VAV3: variants seen among roughly 807,000 people sequenced by gnomAD.
The protein encoded by VAV3 is vav guanine nucleotide exchange factor 3, also known as guanine nucleotide exchange factor VAV3.
In VAV3, 94 loss-of-function variants were observed where a neutral mutation model predicts 131.2. The ratio of observed to expected loss-of-function variants is 0.72; its 90% CI spans 0.61 to 0.85. The LOEUF (loss-of-function observed/expected upper bound fraction) is 0.85. Ranked by LOEUF, VAV3 falls within the 40% of genes least tolerant of loss-of-function variation. The pLI, the probability that VAV3 is intolerant of heterozygous loss-of-function variation, is 0.00. For synonymous variants in VAV3, 349 were observed against 342.0 expected (o/e 1.02, Z -0.22); for missense variants, 939 against 1,002.7 (o/e 0.94, Z 0.86).
intron 2 of VAV3, 51 bp from the exon 3 acceptor site, chr1:107,779,543 A>T (rs771263288): frequency 6.9e-7 from 1 of 1,455,052 alleles, no homozygotes. Flanking sequence ...AAAATATAAG[A>T]TTTCTTTTTC....
At chr1:107,916,184 C>CA (rs958178871) in intron 1 of VAV3, among the ~76,000 whole-genome samples, 3 of 151,204 alleles carry the variant, frequency 2.0e-5, no homozygotes, top group African/African-American at 2.4e-5. Context: ...GTGTTGCACA[C>CA]AAAAAAATAT....
chr1:107,768,231 A>G (rs1236353792), intron 7 of VAV3, among the ~76,000 whole-genome samples: 1 of 152,220 alleles, frequency 6.6e-6, no homozygotes, highest in African/African-American at 2.4e-5. Context: ...TGTTCTTCGT[A>G]CATGTTGACT....
At chr1:107,594,592 T>C (rs1651225367) in intron 25 of VAV3, among the ~76,000 whole-genome samples, 1 of 152,112 alleles carries the variant, frequency 6.6e-6, no homozygotes, top group Non-Finnish European at 1.5e-5. Context: ...GCTATGCTTT[T>C]TTTTAAGAAA....
At chr1:107,853,824 C>T (rs759759860) in intron 2 of VAV3, among the ~76,000 whole-genome samples, 15 of 152,196 alleles carry the variant, frequency 9.9e-5, no homozygotes, top group Non-Finnish European at 2.1e-4. Flanking sequence ...AGTATTTTAA[C>T]TCCTTTATAA....
rs115135139 is a variant in VAV3, at chr1:107,607,963, G to A, written c.2015+1968C>T. ...TCTAAAATTGAAGGTTCTATTTTCT[G>A]GGGGAGTTGATCATTTTGTTCCCTA... On this transcript the variant is annotated intron_variant, in intron 22 of 26. Coordinates refer to ENST00000370056, the MANE Select transcript of VAV3 (RefSeq NM_006113.5). 4.7e-3 allele frequency among the ~76,000 whole-genome samples: 708 copies of A among 152,160 alleles called. 2 individuals carry two copies. The highest frequency in any genetic ancestry group is 7.8e-3 in the Non-Finnish European group (530 of 67,980).
intron 2 of VAV3, among the ~76,000 whole-genome samples, chr1:107,832,065 A>T (rs1004101427): frequency 3.9e-5 from 6 of 152,248 alleles, no homozygotes; most frequent in Non-Finnish European, 7.3e-5. Context: ...AAATGCAATC[A>T]TCCAGGTGTG....
At chr1:107,670,793 C>A (rs1157025095) in intron 19 of VAV3, among the ~76,000 whole-genome samples, 1 of 152,104 alleles carries the variant, frequency 6.6e-6, no homozygotes, top group East Asian at 1.9e-4. Flanking sequence ...GAGTAAAGTG[C>A]CGACTCGAGT....
At chr1:107,638,266 C>T (rs1054041878) in intron 20 of VAV3, among the ~76,000 whole-genome samples, 3 of 152,110 alleles carry the variant, frequency 2.0e-5, no homozygotes, top group Non-Finnish European at 4.4e-5. Flanking sequence ...AAGAATAAAA[C>T]ATGGTGTCTA....
At chr1:107,619,051 C>A (rs1653381270) in intron 20 of VAV3, among the ~76,000 whole-genome samples, 1 of 152,030 alleles carries the variant, frequency 6.6e-6, no homozygotes, top group Non-Finnish European at 1.5e-5. Flanking sequence ...ATGCTGAAGA[C>A]ACTATTTAAC....
chr1:107,619,454 A>G (rs968440030), intron 20 of VAV3, among the ~76,000 whole-genome samples: 3 of 152,202 alleles, frequency 2.0e-5, no homozygotes, highest in African/African-American at 4.8e-5. Flanking sequence ...ATACAAGTAA[A>G]TAAGTATGGT....
intron 2 of VAV3, among the ~76,000 whole-genome samples, chr1:107,790,920 T>C (rs532777308): frequency 6.6e-6 from 1 of 152,182 alleles, no homozygotes; most frequent in South Asian, 2.1e-4. Context: ...ACTCCTGACC[T>C]CATGATCTGC....
chr1:107,891,984 A>G (rs1022799434), intron 1 of VAV3, among the ~76,000 whole-genome samples: 2 of 152,066 alleles, frequency 1.3e-5, no homozygotes, highest in African/African-American at 4.8e-5. Flanking sequence ...TATCTTCCTT[A>G]CAGGATAGTA....
chr1:107,880,968 T>G (rs540221616), intron 1 of VAV3, among the ~76,000 whole-genome samples: 1 of 152,314 alleles, frequency 6.6e-6, no homozygotes, highest in South Asian at 2.1e-4. Flanking sequence ...AGTTTTAATT[T>G]TTTTTTAAAC....
chr1:107,717,333 G>C (rs1326047812), intron 15 of VAV3, among the ~76,000 whole-genome samples: 1 of 152,114 alleles, frequency 6.6e-6, no homozygotes, highest in Non-Finnish European at 1.5e-5. Flanking sequence ...TGATGTTAGG[G>C]TGTCAATTTT....
intron 1 of VAV3, among the ~76,000 whole-genome samples, chr1:107,896,260 T>C (rs1292844358): frequency 1.3e-5 from 2 of 152,194 alleles, no homozygotes; most frequent in Admixed American, 1.3e-4. Context: ...GCTCTCCACT[T>C]AGAGACACAG....
At chr1:107,793,715 G>A (rs980676241) in intron 2 of VAV3, among the ~76,000 whole-genome samples, 5 of 152,114 alleles carry the variant, frequency 3.3e-5, no homozygotes, top group Non-Finnish European at 7.4e-5. Context: ...TTTATATTAT[G>A]ATAAGCCAAT....
At chr1:107,855,772 A>G (rs13373947) in intron 2 of VAV3, among the ~76,000 whole-genome samples, 11,554 of 152,252 alleles carry the variant, frequency 0.076, 883 homozygotes, top group African/African-American at 0.2. Context: ...ATAACAAAGC[A>G]GCCAGGGGGA....
chr1:107,725,860 G>A (rs575686332), intron 15 of VAV3, among the ~76,000 whole-genome samples: 3 of 152,066 alleles, frequency 2.0e-5, no homozygotes, highest in African/African-American at 7.2e-5. Context: ...GGTCTCCTGG[G>A]CACCTATAAT....
rs959794137 is a variant in VAV3 at position 107,755,357 on chromosome 1, TCAA to T, written c.1173+67_1173+69del. 7.4e-5 allele frequency: 88 copies of T among 1,193,312 alleles called. No homozygotes were observed. The East Asian group carries it at 1.3e-3, about 17-fold the overall frequency. 73.9% of individuals were successfully genotyped at this position (1,193,312 alleles called of 1,614,324 possible). On this transcript the variant is annotated intron_variant, in intron 12 of 26. Coordinates refer to ENST00000370056, the MANE Select transcript of VAV3 (RefSeq NM_006113.5). The stretch of plus-strand genomic sequence containing the variant: ...AACTTGAAGGTAAACTATGTTTTCT[TCAA>T]CAACAACTCCTAGAATGTCGTTGAT...
Sources: allele counts gnomAD v4.1 joint callset (sites outside exome capture counted in the v4.1 genomes callset), GRCh38; gene constraint gnomAD v4.1.1; transcripts MANE v1.5; gene names NCBI Gene and HGNC (gene_info 2026-07-23, HGNC 2026-07-21).